Variants in PARP8 observed in about 807,000 individuals in gnomAD.
The protein encoded by PARP8 is protein mono-ADP-ribosyltransferase PARP8.
A neutral mutation model predicts 124.1 loss-of-function variants in PARP8; 51 were observed. That is an observed-to-expected ratio of 0.41 (90% CI 0.33 to 0.52). The LOEUF is 0.52. Ranked by LOEUF, PARP8 falls within the 20% of genes least tolerant of loss-of-function variation. PARP8 has a pLI of 0.21. For synonymous variants in PARP8, 391 were observed against 361.5 expected (o/e 1.08, Z -0.93); for missense variants, 860 against 1,018.9 (o/e 0.84, Z 2.12).
intron 7 of PARP8, among the ~76,000 whole-genome samples, chr5:50,764,325 T>C (rs1760847370): frequency 6.6e-6 from 1 of 152,210 alleles, no homozygotes; most frequent in Non-Finnish European, 1.5e-5. Flanking sequence ...GCATGAAATA[T>C]AGGCTGCCGG....
chr5:50,680,809 T>C (rs1365635872), intron 2 of PARP8, among the ~76,000 whole-genome samples: 1 of 152,158 alleles, frequency 6.6e-6, no homozygotes, highest in African/African-American at 2.4e-5. Context: ...AAGTAAAATC[T>C]GGCATATTTG....
In PARP8 at chr5:50,831,664, A is replaced by T. The variant is rs73102902; in HGVS notation, c.2234-1117A>T. 1.1e-3 allele frequency among the ~76,000 whole-genome samples: 170 copies of T among 152,278 alleles called. 1 individual carries two copies. The highest frequency in any genetic ancestry group is 4.0e-3 in the African/African-American group (165 of 41,534). ...AATACATTCTCAGCATAAAGAAAAA[A>T]CACAGCAAATCATCAAGTACTGTAA... On this transcript the variant is annotated intron_variant, in intron 22 of 25. Coordinates refer to ENST00000281631, the MANE Select transcript of PARP8 (RefSeq NM_024615.4).
At position 50,794,629 on chromosome 5, in the gene PARP8, G is replaced by A. The variant is rs190843898; in HGVS notation, c.864-224G>A. Among the ~76,000 whole-genome samples, 299 of 151,944 alleles carry A rather than the reference G, an allele frequency of 2.0e-3. 1 individual carries two copies. Among genetic ancestry groups the A allele is most frequent in the Admixed American group, 3.2e-3 (49 of 15,262 alleles). ...ATAGGGCTTTGGGATAGATAGGAGG[G>A]AAAAAAAATCTTAGAACCTTTTTTT... On this transcript the variant is annotated intron_variant, in intron 11 of 25. Transcript: ENST00000281631.
intron 25 of PARP8, among the ~76,000 whole-genome samples, chr5:50,836,313 A>G (rs1747575119): frequency 1.3e-5 from 2 of 152,190 alleles, no homozygotes; most frequent in African/African-American, 4.8e-5. Context: ...TCTAAGCTTC[A>G]TCGGTAAAAT....
chr5:50,715,579 A>C (rs926801594), intron 2 of PARP8, among the ~76,000 whole-genome samples: 4 of 152,080 alleles, frequency 2.6e-5, no homozygotes, highest in African/African-American at 9.6e-5. Context: ...GTAACAGATA[A>C]CATGATTAAT....
intron 2 of PARP8, 25 bp downstream of exon 2, chr5:50,668,150 C>G: frequency 1.3e-6 from 2 of 1,555,500 alleles, no homozygotes; most frequent in East Asian, 2.2e-5. Context: ...AGAGTTGCTT[C>G]ATTTCCTGTT....
chr5:50,717,068 CTA>C (rs1755391341), intron 2 of PARP8, among the ~76,000 whole-genome samples: 1 of 151,940 alleles, frequency 6.6e-6, no homozygotes, highest in African/African-American at 2.4e-5. Flanking sequence ...TTTATTCTAA[CTA>C]TGAAGGAAGC....
intron 9 of PARP8, among the ~76,000 whole-genome samples, chr5:50,782,428 A>G (rs774604323): frequency 2.6e-5 from 4 of 152,242 alleles, no homozygotes; most frequent in Non-Finnish European, 5.9e-5. Flanking sequence ...TGAGGAAAAT[A>G]TGATTGAAAA....
At chr5:50,702,680 T>C (rs1385779768) in intron 2 of PARP8, among the ~76,000 whole-genome samples, 1 of 152,216 alleles carries the variant, frequency 6.6e-6, no homozygotes, top group African/African-American at 2.4e-5. Context: ...ATTTTCTACT[T>C]ACTTTAACAA....
chr5:50,693,984 T>C (rs1006740553), intron 2 of PARP8, among the ~76,000 whole-genome samples: 1 of 152,108 alleles, frequency 6.6e-6, no homozygotes, highest in African/African-American at 2.4e-5. Flanking sequence ...AGAAGGATTA[T>C]CCTAAACCCC....
rs199767946 is a variant in PARP8 at position 50,795,327 on chromosome 5, G to A, written c.1338G>A (p.Lys446=). The change falls in exon 12 of 26, where the codon AAG becomes AAA. Residue 446 remains lysine, a synonymous_variant. Transcript: ENST00000281631. ...APKSSKTELF[K]EPNAEGRRLS... is the part of the protein sequence containing the mutation. ...AGTCATCCAAAACTGAGCTTTTCAAGGAACCTAACGCAGAGGGCAGGAGGC... is the reference window on the plus strand; with the variant it reads ...AGTCATCCAAAACTGAGCTTTTCAAAGAACCTAACGCAGAGGGCAGGAGGC... The A allele has an allele frequency of 8.1e-6, 13 of 1,614,118 alleles. No individual in the cohort carries two copies. Among genetic ancestry groups the A allele is most frequent in the Admixed American group, 1.7e-5 (1 of 60,026 alleles).
At position 50,747,761 on chromosome 5, in the gene PARP8, C is replaced by CTTTTTTTTT. The variant is rs70972943; in HGVS notation, c.147-2369_147-2361dup. On this transcript the variant is annotated intron_variant, in intron 2 of 25. Coordinates refer to ENST00000281631, the MANE Select transcript of PARP8 (RefSeq NM_024615.4). ...TCTCTCAAAGATAGGATAGACCTTG[C>CTTTTTTTTT]TTTTTTTTTTTTTTTTTTTTTTTTT... is the stretch of plus-strand genomic sequence containing the variant. Among the ~76,000 whole-genome samples, 9 of 52,898 alleles carry CTTTTTTTTT rather than the reference C, an allele frequency of 1.7e-4. 3 individuals carry two copies. The highest frequency in any genetic ancestry group is 4.7e-4 in the African/African-American group (9 of 19,192). 34.7% of individuals were successfully genotyped at this position (52,898 alleles called of 152,430 possible). A position where few individuals can be genotyped will look rare whatever the true frequency, so the allele number is the denominator to read the frequency against.
intron 2 of PARP8, among the ~76,000 whole-genome samples, chr5:50,691,068 C>T (rs1752447745): frequency 6.6e-6 from 1 of 152,206 alleles, no homozygotes; most frequent in Admixed American, 6.5e-5. Context: ...TCAAATCTCA[C>T]TGGAAAGGAG....
intron 2 of PARP8, among the ~76,000 whole-genome samples, chr5:50,746,248 A>C (rs1455740919): frequency 2.6e-5 from 4 of 152,218 alleles, no homozygotes; most frequent in Non-Finnish European, 5.9e-5. Context: ...GGAACTGATT[A>C]GTGGCTGTTG....
Position 50,750,126 on chromosome 5 carries a change from C to CT in PARP8, c.147-19dup, listed in dbSNP as rs112687782. The CT allele has an allele frequency of 2.1e-3, 3,055 of 1,451,842 alleles. 1 individual carries two copies. Among genetic ancestry groups the CT allele is most frequent in the Admixed American group, 3.3e-3 (182 of 54,466 alleles). The allele number at this position is 1,451,842 out of a possible 1,614,324, so 89.9% of individuals were successfully genotyped here. ...TGTCTACCTTAGCAATAACTTGAGC[C>CT]TTTTTTGTTTGTTTGTTTTAACAGT... On this transcript the variant is annotated intron_variant, in intron 2 of 25. Transcript: ENST00000281631.
chr5:50,687,640 C>G (rs1042504185), intron 2 of PARP8, among the ~76,000 whole-genome samples: 1 of 152,162 alleles, frequency 6.6e-6, no homozygotes, highest in African/African-American at 2.4e-5. Flanking sequence ...TACAGTTTCA[C>G]GTGGCTAGGG....
At chr5:50,784,929 A>G (rs149427536) in intron 9 of PARP8, among the ~76,000 whole-genome samples, 3 of 152,046 alleles carry the variant, frequency 2.0e-5, no homozygotes, top group Non-Finnish European at 4.4e-5. Flanking sequence ...AAATGAACTT[A>G]AAAAGTTTTA....
intron 2 of PARP8, among the ~76,000 whole-genome samples, chr5:50,675,851 G>T (rs1227832659): frequency 6.6e-6 from 1 of 152,036 alleles, no homozygotes; most frequent in Non-Finnish European, 1.5e-5. Context: ...TAAAAAAAAA[G>T]TCGCAGAAAT....
intron 7 of PARP8, 52 bp from the exon 8 acceptor site, chr5:50,778,017 A>G: frequency 7.4e-7 from 1 of 1,344,298 alleles, no homozygotes; most frequent in South Asian, 1.3e-5. Flanking sequence ...AACACACACC[A>G]TCTTTTAAGC....
Sources: allele counts gnomAD v4.1 joint callset (sites outside exome capture counted in the v4.1 genomes callset), GRCh38; gene constraint gnomAD v4.1.1; transcripts MANE v1.5; gene names NCBI Gene and HGNC (gene_info 2026-07-23, HGNC 2026-07-21).